The following SEMA6D variants were observed in gnomAD, a reference collection of about 807,000 sequenced individuals.
The protein encoded by SEMA6D is semaphorin 6D.
In SEMA6D, 35 loss-of-function variants were observed where a neutral mutation model predicts 106.6. The ratio of observed to expected loss-of-function variants is 0.33; its 90% CI spans 0.25 to 0.44. SEMA6D has a LOEUF of 0.44. Ranked by LOEUF, SEMA6D falls within the 20% of genes least tolerant of loss-of-function variation. The pLI is 1.00. For synonymous variants in SEMA6D, 499 were observed against 487.7 expected (o/e 1.02, Z -0.31); for missense variants, 1,185 against 1,345.9 (o/e 0.88, Z 1.87).
intron 4 of SEMA6D, among the ~76,000 whole-genome samples, chr15:47,642,525 C>T (rs1002369461): frequency 6.6e-6 from 1 of 152,138 alleles, no homozygotes; most frequent in Non-Finnish European, 1.5e-5. Flanking sequence ...AGTCACATTC[C>T]TTGCCCTCAA....
chr15:47,473,250 AC>A (rs1426935322), intron 3 of SEMA6D, among the ~76,000 whole-genome samples: 1 of 152,140 alleles, frequency 6.6e-6, no homozygotes, highest in Non-Finnish European at 1.5e-5. Flanking sequence ...CCCCTCAGCC[AC>A]TGCAGAGGCA....
At chr15:47,551,432 T>C (rs547827167) in intron 3 of SEMA6D, among the ~76,000 whole-genome samples, 2 of 152,268 alleles carry the variant, frequency 1.3e-5, no homozygotes, top group African/African-American at 4.8e-5. Flanking sequence ...GACAAAGTAA[T>C]ACACACAGAC....
intron 1 of SEMA6D, among the ~76,000 whole-genome samples, chr15:47,209,286 G>A (rs1895324168): frequency 6.6e-6 from 1 of 152,128 alleles, no homozygotes; most frequent in South Asian, 2.1e-4. Context: ...ACACGTGAAT[G>A]TACACTGAAT....
intron 4 of SEMA6D, among the ~76,000 whole-genome samples, chr15:47,674,830 G>T (rs572008891): frequency 7.9e-5 from 12 of 152,258 alleles, no homozygotes; most frequent in Admixed American, 7.8e-4. Flanking sequence ...TTTTGCAGCT[G>T]CCCCTTTATT....
intron 1 of SEMA6D, among the ~76,000 whole-genome samples, chr15:47,375,204 T>C (rs1859075657): frequency 6.6e-6 from 1 of 152,162 alleles, no homozygotes; most frequent in Non-Finnish European, 1.5e-5. Context: ...TCTGAAAAGA[T>C]CAGTCAAGTT....
chr15:47,233,156 C>G (rs566819324), intron 1 of SEMA6D, among the ~76,000 whole-genome samples: 1 of 152,020 alleles, frequency 6.6e-6, no homozygotes, highest in Admixed American at 6.6e-5. Context: ...CAAAGTTTTG[C>G]ATGTGAATAT....
intron 1 of SEMA6D, among the ~76,000 whole-genome samples, chr15:47,225,770 T>C (rs2031610556): frequency 6.6e-6 from 1 of 152,000 alleles, no homozygotes; most frequent in African/African-American, 2.4e-5. Context: ...CCTCAGGTAA[T>C]CCGCCCACCA....
chr15:47,550,646 A>G (rs775425498), intron 3 of SEMA6D, among the ~76,000 whole-genome samples: 31 of 152,126 alleles, frequency 2.0e-4, no homozygotes, highest in Non-Finnish European at 3.2e-4. Flanking sequence ...ATGTGGACTC[A>G]GTTCTATGCA....
Position 47,772,794 on chromosome 15 carries a change from T to C in SEMA6D, c.*1009T>C, listed in dbSNP as rs2082685051. 1 of 138,488 alleles carries C rather than the reference T, an allele frequency of 7.2e-6. No homozygotes were observed. The highest frequency in any genetic ancestry group is 1.5e-5 in the Non-Finnish European group (1 of 66,860). The allele number at this position is 138,488 out of a possible 1,614,324, so 8.6% of individuals were successfully genotyped here. A position where few individuals can be genotyped will look rare whatever the true frequency, so the allele number is the denominator to read the frequency against. On this transcript the variant is annotated 3_prime_UTR_variant, in exon 19 of 19. Transcript: ENST00000536845. ...CACTAATAAGGTTTTATTTTGATTG[T>C]GTTCGTTTCCCCCCCCCCAATAGTA...
intron 1 of SEMA6D, among the ~76,000 whole-genome samples, chr15:47,389,451 A>G (rs1496927): frequency 3.0e-4 from 45 of 152,282 alleles, no homozygotes; most frequent in African/African-American, 1.1e-3. Context: ...CATCACTGAA[A>G]TGCTTTGACC....
chr15:47,475,298 C>T (rs944123033), intron 3 of SEMA6D, among the ~76,000 whole-genome samples: 1 of 152,090 alleles, frequency 6.6e-6, no homozygotes, highest in Non-Finnish European at 1.5e-5. Context: ...ATTGATGTTG[C>T]ATAACAACTC....
chr15:47,586,888 G>GTT (rs35584206), intron 3 of SEMA6D, among the ~76,000 whole-genome samples: 62,447 of 122,798 alleles, frequency 0.51, 17,085 homozygotes, highest in South Asian at 0.61. Flanking sequence ...AATTTGACAG[G>GTT]TTTTTTTTTT....
intron 1 of SEMA6D, among the ~76,000 whole-genome samples, chr15:47,300,796 G>C (rs1203664124): frequency 2.0e-5 from 3 of 152,150 alleles, no homozygotes; most frequent in South Asian, 4.1e-4. Flanking sequence ...AGTCCCCAAA[G>C]GCTAGGCTTA....
chr15:47,471,918 C>G (rs1567103717), intron 3 of SEMA6D, among the ~76,000 whole-genome samples: 1 of 133,436 alleles, frequency 7.5e-6, no homozygotes. Context: ...CTCTCTCTCT[C>G]TCTCTCTCTC....
At chr15:47,561,303 T>TG (rs1422052528) in intron 3 of SEMA6D, among the ~76,000 whole-genome samples, 2 of 152,018 alleles carry the variant, frequency 1.3e-5, no homozygotes, top group Non-Finnish European at 2.9e-5. Flanking sequence ...TCATAAACAA[T>TG]GAAGTTTAGA....
chr15:47,743,131 G>A (rs915350754), intron 1 of SEMA6D, among the ~76,000 whole-genome samples: 5 of 152,318 alleles, frequency 3.3e-5, no homozygotes, highest in Non-Finnish European at 7.3e-5. Flanking sequence ...CTGGCACACT[G>A]CTAAGTCCTA....
intron 3 of SEMA6D, among the ~76,000 whole-genome samples, chr15:47,519,922 T>C (rs2044516080): frequency 6.6e-6 from 1 of 152,236 alleles, no homozygotes; most frequent in Non-Finnish European, 1.5e-5. Context: ...AATCTTTTCA[T>C]GCCTTGCTTG....
chr15:47,550,970 C>T (rs1199137908), intron 3 of SEMA6D, among the ~76,000 whole-genome samples: 1 of 152,066 alleles, frequency 6.6e-6, no homozygotes, highest in African/African-American at 2.4e-5. Context: ...CATAAATTCC[C>T]CATAACAGCA....
At chr15:47,613,834 T>C (rs2076957575) in intron 4 of SEMA6D, among the ~76,000 whole-genome samples, 1 of 152,082 alleles carries the variant, frequency 6.6e-6, no homozygotes, top group South Asian at 2.1e-4. Flanking sequence ...TTTTTATACA[T>C]ATTTTTAGTA....
Sources: gnomAD v4.1 joint callset for allele counts (sites outside exome capture counted in the v4.1 genomes callset) on GRCh38, gnomAD v4.1.1 for gene constraint, MANE v1.5 for transcripts, NCBI Gene and HGNC (gene_info 2026-07-23, HGNC 2026-07-21) for gene names.